RORB: variants seen among roughly 807,000 people sequenced by gnomAD.
RORB encodes the protein nuclear receptor ROR-beta.
RORB carries 6 observed loss-of-function variants against 59.1 expected under a neutral mutation model. The observed-to-expected ratio is 0.10, with a 90% confidence interval of 0.06 to 0.20. The LOEUF (loss-of-function observed/expected upper bound fraction) is 0.20, where lower values mean the gene tolerates loss of function less well. Ranked by LOEUF, RORB falls within the 10% of genes least tolerant of loss-of-function variation. RORB has a pLI of 1.00. For missense variants in RORB, 320 were observed against 560.5 expected, an observed-to-expected ratio of 0.57 and a Z score of 4.33; for synonymous variants, 215 against 204.5, an observed-to-expected ratio of 1.05 and a Z score of -0.44.
At chr9:74,612,425 A>G (rs568523796) in intron 1 of RORB, among the ~76,000 whole-genome samples, 1 of 152,064 alleles carries the variant, frequency 6.6e-6, no homozygotes, top group Admixed American at 6.6e-5. Context: ...AGGGCTGAAA[A>G]GTTTTTGATA....
rs538651226 is a variant in RORB at position 74,686,932 on chromosome 9, T to C, written c.*1314T>C. Reference sequence around the variant, plus strand: ...AACTAATGTACCCCAAAGCCAAAACTAATTCCTGTGAAGTTTACAGTTACA... The same window carrying C: ...AACTAATGTACCCCAAAGCCAAAACCAATTCCTGTGAAGTTTACAGTTACA... On this transcript the variant is annotated 3_prime_UTR_variant, in exon 10 of 10. Coordinates refer to ENST00000376896, the MANE Select transcript of RORB (RefSeq NM_006914.4). 2 of 152,350 alleles carry C rather than the reference T, an allele frequency of 1.3e-5. No individual in the cohort carries two copies. Among genetic ancestry groups the C allele is most frequent in the Non-Finnish European group, 2.9e-5 (2 of 67,998 alleles). 9.4% of individuals were successfully genotyped at this position (152,350 alleles called of 1,614,324 possible).
Position 74,603,336 on chromosome 9 carries a change from T to A in RORB, c.8-26946T>A, listed in dbSNP as rs953973878. Among the ~76,000 whole-genome samples the A allele has an allele frequency of 4.6e-5, 7 of 152,326 alleles. No individual in the cohort carries two copies. The South Asian group carries it at 1.5e-3, about 32-fold the overall frequency. ...ATGCTCAGTAGCAACCACCATCTTC[T>A]GACCGCTTTCTATTTGCCAAGCACA... On this transcript the variant is annotated intron_variant, in intron 1 of 9. Coordinates refer to ENST00000376896, the MANE Select transcript of RORB (RefSeq NM_006914.4).
chr9:74,523,414 A>G (rs982437521), intron 1 of RORB, among the ~76,000 whole-genome samples: 1 of 151,840 alleles, frequency 6.6e-6, no homozygotes, highest in African/African-American at 2.4e-5. Context: ...CCTTTAGCAA[A>G]ACTTTATCAC....
intron 1 of RORB, among the ~76,000 whole-genome samples, chr9:74,544,044 G>C (rs960854026): frequency 1.3e-5 from 2 of 152,144 alleles, no homozygotes; most frequent in African/African-American, 4.8e-5. Context: ...TTGTACCAGT[G>C]ACTCTCTTTG....
chr9:74,514,474 C>T (rs1454890809), intron 1 of RORB, among the ~76,000 whole-genome samples: 1 of 151,926 alleles, frequency 6.6e-6, no homozygotes, highest in East Asian at 1.9e-4. Context: ...AAACAGGTGG[C>T]AGGCTGTTGC....
chr9:74,655,211 C>A (rs1824060450), intron 4 of RORB, among the ~76,000 whole-genome samples: 1 of 152,198 alleles, frequency 6.6e-6, no homozygotes, highest in African/African-American at 2.4e-5. Flanking sequence ...ATTTTCATTA[C>A]AAGTTTTCTT....
At position 74,693,013 on chromosome 9, in the gene RORB, A is replaced by G. The variant is rs1563977084; in HGVS notation, c.*7395A>G. On this transcript the variant is annotated 3_prime_UTR_variant, in exon 10 of 10. Coordinates refer to ENST00000376896, the MANE Select transcript of RORB (RefSeq NM_006914.4). ...GTTTTATATTACTTTAGAATGTAAT[A>G]GGTTTTTGTCCTTATTTTATGTCCT... 1 of 152,220 alleles carries G rather than the reference A, an allele frequency of 6.6e-6. No homozygotes were observed. Among genetic ancestry groups the G allele is most frequent in the Non-Finnish European group, 1.5e-5 (1 of 68,036 alleles). 9.4% of individuals were successfully genotyped at this position (152,220 alleles called of 1,614,324 possible).
chr9:74,616,254 T>C (rs1190023913), intron 1 of RORB, among the ~76,000 whole-genome samples: 2 of 152,150 alleles, frequency 1.3e-5, no homozygotes, highest in Non-Finnish European at 1.5e-5. Flanking sequence ...CAGGGTAAAA[T>C]GATTTATTGT....
chr9:74,655,619 C>T (rs1168197654), intron 4 of RORB, among the ~76,000 whole-genome samples: 3 of 152,204 alleles, frequency 2.0e-5, no homozygotes, highest in African/African-American at 7.2e-5. Flanking sequence ...CAAGCAAGGA[C>T]TCTTGAAAGT....
At chr9:74,550,386 A>G (rs553719534) in intron 1 of RORB, among the ~76,000 whole-genome samples, 30 of 152,308 alleles carry the variant, frequency 2.0e-4, no homozygotes, top group African/African-American at 7.0e-4. Context: ...AATCAGGATA[A>G]CCTGAACTCT....
chr9:74,584,304 C>A (rs1587370239), intron 1 of RORB, among the ~76,000 whole-genome samples: 1 of 152,228 alleles, frequency 6.6e-6, no homozygotes, highest in Admixed American at 6.5e-5. Context: ...CCTTGGGAGC[C>A]AGTCTGTCTG....
intron 1 of RORB, among the ~76,000 whole-genome samples, chr9:74,519,339 G>A (rs901097899): frequency 6.6e-6 from 1 of 151,944 alleles, no homozygotes; most frequent in African/African-American, 2.4e-5. Flanking sequence ...GGAGACAGGG[G>A]AATTCAATGA....
At chr9:74,671,399 G>C (rs552049048) in intron 8 of RORB, among the ~76,000 whole-genome samples, 1 of 152,280 alleles carries the variant, frequency 6.6e-6, no homozygotes, top group South Asian at 2.1e-4. Context: ...AAGGGATCCT[G>C]AACACCAAAA....
intron 4 of RORB, among the ~76,000 whole-genome samples, chr9:74,653,903 C>G (rs1396353493): frequency 1.3e-5 from 2 of 152,182 alleles, no homozygotes; most frequent in African/African-American, 4.8e-5. Flanking sequence ...ATTTTAGTAA[C>G]TGCAAGCTGG....
In RORB at chr9:74,638,304, C is replaced by T. The variant is rs1260819696; in HGVS notation, c.235+3532C>T. Among the ~76,000 whole-genome samples the T allele has an allele frequency of 3.3e-5, 5 of 152,176 alleles. 1 individual carries two copies. The highest frequency in any genetic ancestry group is 4.1e-4 in the South Asian group (2 of 4,826). ...TACTTTTTAGTTATATCCAAAACTT[C>T]TATTCCATTTAGAATACCACAATTC... is the stretch of plus-strand genomic sequence containing the variant. On this transcript the variant is annotated intron_variant, in intron 3 of 9. Coordinates refer to ENST00000376896, the MANE Select transcript of RORB (RefSeq NM_006914.4).
chr9:74,666,572 T>TTATTGCA (rs1824269752), intron 7 of RORB, among the ~76,000 whole-genome samples: 2 of 152,120 alleles, frequency 1.3e-5, no homozygotes, highest in Admixed American at 1.3e-4. Context: ...TTTTTCAACT[T>TTATTGCA]TATTGCATAT....
At chr9:74,667,622 T>G (rs560878692) in intron 7 of RORB, among the ~76,000 whole-genome samples, 169 bp from the exon 8 acceptor site, 93 of 152,322 alleles carry the variant, frequency 6.1e-4, no homozygotes, top group Middle Eastern at 3.4e-3. Flanking sequence ...ATTTTCTCAT[T>G]CTTTGATTAG....
Position 74,685,650 on chromosome 9 carries a change from A to G in RORB, c.*32A>G, listed in dbSNP as rs1334425496. The G allele has an allele frequency of 1.3e-6, 2 of 1,513,618 alleles. No homozygotes were observed. Among genetic ancestry groups the G allele is most frequent in the Non-Finnish European group, 8.9e-7 (1 of 1,119,970 alleles). The allele number at this position is 1,513,618 out of a possible 1,614,324, so 93.8% of individuals were successfully genotyped here. ...CAAGAGAACTGTCTCATAGTCATGG[A>G]ATGCATCACCATTAAGACAAAAGCA... On this transcript the variant is annotated 3_prime_UTR_variant, in exon 10 of 10. Transcript: ENST00000376896.
chr9:74,532,872 G>GTA (rs72110032), intron 1 of RORB, among the ~76,000 whole-genome samples: 35 of 144,678 alleles, frequency 2.4e-4, no homozygotes, highest in African/African-American at 3.8e-4. Context: ...GTGTGTGTGT[G>GTA]TATATATATA....
Sources: gnomAD v4.1 joint callset for allele counts (sites outside exome capture counted in the v4.1 genomes callset) on GRCh38, gnomAD v4.1.1 for gene constraint, MANE v1.5 for transcripts, NCBI Gene and HGNC (gene_info 2026-07-23, HGNC 2026-07-21) for gene names.